Variants in RERE observed in about 807,000 individuals in gnomAD.
The protein encoded by RERE is arginine-glutamic acid dipeptide repeats protein.
A neutral mutation model predicts 146.1 loss-of-function variants in RERE; 40 were observed. That is an observed-to-expected ratio of 0.27 (90% CI 0.21 to 0.36). The LOEUF is 0.36. Among genes scored for constraint, RERE ranks in the 10% least tolerant of loss-of-function variants. RERE has a pLI of 1.00. For missense variants in RERE, 1,933 were observed against 2,138.7 expected, an observed-to-expected ratio of 0.90 and a Z score of 1.90; for synonymous variants, 1,003 against 866.0, an observed-to-expected ratio of 1.16 and a Z score of -2.78.
chr1:8,370,265 G>C (rs574275794), intron 12 of RERE, among the ~76,000 whole-genome samples: 1 of 151,658 alleles, frequency 6.6e-6, no homozygotes, highest in South Asian at 2.1e-4. Context: ...AGACAGGGAC[G>C]GTGGGTGCTG....
chr1:8,692,481 C>T (rs756446197), intron 1 of RERE, among the ~76,000 whole-genome samples: 4 of 151,818 alleles, frequency 2.6e-5, no homozygotes, highest in East Asian at 1.9e-4. Flanking sequence ...CGAGTAGCTG[C>T]GACTAGAGGC....
intron 1 of RERE, among the ~76,000 whole-genome samples, chr1:8,678,067 G>A (rs995174353): frequency 2.0e-5 from 3 of 152,140 alleles, no homozygotes; most frequent in African/African-American, 7.2e-5. Context: ...CCGGAAGCCT[G>A]GTTTCCCAAG....
At chr1:8,789,877 A>C (rs1641332962) in intron 1 of RERE, among the ~76,000 whole-genome samples, 1 of 152,182 alleles carries the variant, frequency 6.6e-6, no homozygotes, top group Non-Finnish European at 1.5e-5. Flanking sequence ...ATCTTTGGTC[A>C]ACTTATTTAA....
intron 1 of RERE, among the ~76,000 whole-genome samples, chr1:8,667,513 T>A (rs1638604278): frequency 6.6e-6 from 1 of 152,062 alleles, no homozygotes; most frequent in Non-Finnish European, 1.5e-5. Flanking sequence ...CCATCTCTAC[T>A]AAAAATACAA....
intron 7 of RERE, chr1:8,512,043 T>TTTTTG (rs1645346727): frequency 8.2e-6 from 1 of 122,450 alleles, no homozygotes; most frequent in Non-Finnish European, 1.7e-5. Flanking sequence ...TTTTTTTTTT[T>TTTTTG]TGAGACGGAG....
chr1:8,499,371 C>T (rs745544335), intron 8 of RERE, among the ~76,000 whole-genome samples: 27 of 152,312 alleles, frequency 1.8e-4, no homozygotes, highest in Non-Finnish European at 1.9e-4. Flanking sequence ...ATTCCAAGTG[C>T]TGAACAGCTA....
intron 6 of RERE, among the ~76,000 whole-genome samples, chr1:8,555,595 A>G (rs1350724673): frequency 1.3e-5 from 2 of 152,210 alleles, no homozygotes; most frequent in African/African-American, 2.4e-5. Flanking sequence ...TGTTAAAACC[A>G]TATTACAGTA....
At chr1:8,426,715 C>A (rs1644018165) in intron 11 of RERE, among the ~76,000 whole-genome samples, 1 of 152,134 alleles carries the variant, frequency 6.6e-6, no homozygotes, top group East Asian at 1.9e-4. Flanking sequence ...GCCCTGAATT[C>A]AAGGCCCTCC....
chr1:8,457,752 C>A (rs1644469542), intron 11 of RERE, among the ~76,000 whole-genome samples: 1 of 152,066 alleles, frequency 6.6e-6, no homozygotes, highest in Admixed American at 6.5e-5. Context: ...AAGCACGCAC[C>A]ACCACGCCCA....
At chr1:8,426,207 C>A (rs1644009930) in intron 11 of RERE, among the ~76,000 whole-genome samples, 1 of 152,174 alleles carries the variant, frequency 6.6e-6, no homozygotes, top group Non-Finnish European at 1.5e-5. Context: ...GTAATCCTAG[C>A]ACTTTGGGAG....
chr1:8,789,301 A>AAAAAAAAAAAAAAAAATATATAT, intron 1 of RERE, among the ~76,000 whole-genome samples: 3 of 24,814 alleles, frequency 1.2e-4, no homozygotes, highest in African/African-American at 4.6e-4. Flanking sequence ...AAAAAAAAAA[A>AAAAAAAAAAAAAAAAATATATAT]ATATATATAT....
Position 8,354,012 on chromosome 1 carries a change from G to A in RERE, c.*1075C>T, listed in dbSNP as rs1443446153. ...ACTTGTGTGCTGAGTTATTTGTATG[G>A]AATCATTTTCTTAGATGATGAAATT... On this transcript the variant is annotated 3_prime_UTR_variant, in exon 23 of 23. Coordinates refer to ENST00000400908, the MANE Select transcript of RERE (RefSeq NM_001042681.2). 6.6e-6 allele frequency: 1 copy of A among 152,534 alleles called. No homozygotes were observed. The highest frequency in any genetic ancestry group is 2.1e-4 in the South Asian group (1 of 4,822). 9.4% of individuals were successfully genotyped at this position (152,534 alleles called of 1,614,324 possible). A position where few individuals can be genotyped will look rare whatever the true frequency, so the allele number is the denominator to read the frequency against.
At chr1:8,452,515 A>G (rs569665597) in intron 11 of RERE, among the ~76,000 whole-genome samples, 20 of 148,436 alleles carry the variant, frequency 1.3e-4, no homozygotes, top group Admixed American at 1.2e-3. Context: ...CCTTTTGTAC[A>G]CAGAAATCAA....
At chr1:8,605,299 AT>A (rs1165367724) in intron 4 of RERE, among the ~76,000 whole-genome samples, 4 of 152,032 alleles carry the variant, frequency 2.6e-5, no homozygotes, top group African/African-American at 9.7e-5. Context: ...TGCCCTGCTA[AT>A]TTTTTGTATT....
At position 8,509,422 on chromosome 1, in the gene RERE, A is replaced by ATCCGTCCG. The variant is rs1385356366; in HGVS notation, c.831-748_831-747insCGGACGGA. On this transcript the variant is annotated intron_variant, in intron 7 of 22. Coordinates refer to ENST00000400908, the MANE Select transcript of RERE (RefSeq NM_001042681.2). The stretch of plus-strand genomic sequence containing the variant: ...GAGCCATCCATCCATCCATCCATCC[A>ATCCGTCCG]TCCATCCATCCATCCGTCCGTCCGT... Among the ~76,000 whole-genome samples the ATCCGTCCG allele has an allele frequency of 4.8e-3, 406 of 83,928 alleles. 1 individual carries two copies. Among genetic ancestry groups the ATCCGTCCG allele is most frequent in the African/African-American group, 0.012 (385 of 32,988 alleles). 55.1% of individuals were successfully genotyped at this position (83,928 alleles called of 152,430 possible).
chr1:8,413,107 AT>A (rs1249310228), intron 12 of RERE, among the ~76,000 whole-genome samples: 3 of 152,338 alleles, frequency 2.0e-5, no homozygotes, highest in Non-Finnish European at 4.4e-5. Context: ...CCTATTATTT[AT>A]ACATGCGTGA....
At chr1:8,424,867 A>C (rs535638043) in intron 11 of RERE, 7 of 152,820 alleles carry the variant, frequency 4.6e-5, no homozygotes, top group Non-Finnish European at 1.0e-4. Flanking sequence ...CTTCCAGCAG[A>C]AGTCAGCCAG....
intron 3 of RERE, among the ~76,000 whole-genome samples, chr1:8,622,096 G>A (rs1263999842): frequency 1.3e-5 from 2 of 152,128 alleles, no homozygotes. Context: ...TTAATGTGTT[G>A]TATTAGACCA....
At chr1:8,780,118 A>C (rs1641138943) in intron 1 of RERE, among the ~76,000 whole-genome samples, 1 of 152,144 alleles carries the variant, frequency 6.6e-6, no homozygotes, top group Non-Finnish European at 1.5e-5. Context: ...AAAAATGACT[A>C]AGTCACTAAC....
Sources: gnomAD v4.1 joint callset for allele counts (sites outside exome capture counted in the v4.1 genomes callset) on GRCh38, gnomAD v4.1.1 for gene constraint, MANE v1.5 for transcripts, NCBI Gene and HGNC (gene_info 2026-07-23, HGNC 2026-07-21) for gene names.